The following ELMO1 variants were observed in gnomAD, a reference collection of about 807,000 sequenced individuals.
ELMO1 encodes the protein engulfment and cell motility 1, also known as engulfment and cell motility protein 1.
ELMO1 carries 26 observed loss-of-function variants against 98.9 expected under a neutral mutation model. The observed-to-expected ratio is 0.26, with a 90% CI of 0.19 to 0.36. The LOEUF (loss-of-function observed/expected upper bound fraction) is 0.36. Among genes scored for constraint, ELMO1 ranks in the 10% least tolerant of loss-of-function variants. ELMO1 has a pLI of 1.00. For missense variants in ELMO1, 627 were observed against 935.2 expected (o/e 0.67, Z 4.30); for synonymous variants, 346 against 346.0 (o/e 1.00, Z 0.00).
chr7:37,057,684 T>C (rs1264681399), intron 15 of ELMO1, among the ~76,000 whole-genome samples: 17 of 152,178 alleles, frequency 1.1e-4, no homozygotes, highest in Non-Finnish European at 1.9e-4. Flanking sequence ...CGCAGATGTG[T>C]GCATGTGCAC....
chr7:37,171,514 A>C (rs1790162332), intron 13 of ELMO1, among the ~76,000 whole-genome samples: 1 of 9,752 alleles, frequency 1.0e-4, no homozygotes, highest in Non-Finnish European at 4.8e-4. Context: ...TTTTTTTGAG[A>C]CAGAGTCTCG....
At chr7:37,162,806 T>C (rs1789319082) in intron 13 of ELMO1, among the ~76,000 whole-genome samples, 1 of 152,204 alleles carries the variant, frequency 6.6e-6, no homozygotes, top group Admixed American at 6.5e-5. Flanking sequence ...CATGCAAAGC[T>C]GGTTAATGTC....
chr7:37,101,912 AG>A (rs1784666739), intron 14 of ELMO1, among the ~76,000 whole-genome samples: 1 of 152,184 alleles, frequency 6.6e-6, no homozygotes, highest in Admixed American at 6.5e-5. Context: ...CTCAAACTAA[AG>A]CGTTCCAGCC....
At chr7:37,313,192 G>C (rs1489223432) in intron 4 of ELMO1, among the ~76,000 whole-genome samples, 1 of 151,384 alleles carries the variant, frequency 6.6e-6, no homozygotes, top group African/African-American at 2.4e-5. Context: ...AGGCATGCCA[G>C]GAAATCAAGT....
At chr7:37,066,063 G>C (rs907464404) in intron 15 of ELMO1, among the ~76,000 whole-genome samples, 1 of 152,156 alleles carries the variant, frequency 6.6e-6, no homozygotes, top group South Asian at 2.1e-4. Context: ...CTGCTGCCAC[G>C]TAAGACATGA....
chr7:37,038,947 A>G (rs922311011), intron 15 of ELMO1, among the ~76,000 whole-genome samples: 2 of 152,124 alleles, frequency 1.3e-5, no homozygotes, highest in Non-Finnish European at 2.9e-5. Flanking sequence ...ATCTAAACCT[A>G]ATTACCTCCT....
intron 16 of ELMO1, among the ~76,000 whole-genome samples, chr7:37,011,227 G>A (rs1793529572): frequency 6.6e-6 from 1 of 152,148 alleles, no homozygotes; most frequent in Non-Finnish European, 1.5e-5. Flanking sequence ...CACTCTGGGG[G>A]GCTTGCTGTC....
chr7:37,278,845 A>G (rs924943291), intron 4 of ELMO1, among the ~76,000 whole-genome samples: 1 of 152,222 alleles, frequency 6.6e-6, no homozygotes, highest in Non-Finnish European at 1.5e-5. Context: ...TCCAACCAGC[A>G]TTTAACTGAG....
intron 1 of ELMO1, among the ~76,000 whole-genome samples, chr7:37,399,550 C>T (rs1311505280): frequency 2.0e-5 from 3 of 152,182 alleles, no homozygotes; most frequent in African/African-American, 4.8e-5. Context: ...CTGTCAAGTA[C>T]ATGGAGAAGG....
chr7:36,853,465 C>T lies in ELMO1; in HGVS notation c.*2086G>A, dbSNP rs781269465. Among the ~76,000 whole-genome samples, 5 of 152,140 alleles carry T rather than the reference C, an allele frequency of 3.3e-5. No homozygotes were observed. Among genetic ancestry groups the T allele is most frequent in the Non-Finnish European group, 5.9e-5 (4 of 68,030 alleles). ...ATATGACTTTGTTTGCTGCCTTTGA[C>T]CTAACACTTACTGTTTTATCATGAT... On this transcript the variant is annotated 3_prime_UTR_variant, in exon 22 of 22. Coordinates refer to ENST00000310758, the MANE Select transcript of ELMO1 (RefSeq NM_014800.11).
chr7:37,128,971 G>A (rs553169910), intron 14 of ELMO1, among the ~76,000 whole-genome samples: 9 of 152,182 alleles, frequency 5.9e-5, no homozygotes, highest in Middle Eastern at 3.4e-3. Context: ...GGAGTCATCC[G>A]GGTAGAGGGT....
At chr7:37,248,192 A>ATG (rs1397776331) in intron 6 of ELMO1, among the ~76,000 whole-genome samples, 3 of 139,358 alleles carry the variant, frequency 2.2e-5, no homozygotes, top group Non-Finnish European at 3.0e-5. Context: ...GTGGGATTTT[A>ATG]TATGTGTGTG....
intron 15 of ELMO1, among the ~76,000 whole-genome samples, chr7:37,080,598 TA>T (rs1485264697): frequency 6.1e-5 from 8 of 131,150 alleles, no homozygotes; most frequent in African/African-American, 2.4e-4. Context: ...CCACCACGCC[TA>T]ATTTTTTTTT....
At chr7:37,123,841 G>A (rs1478349624) in intron 14 of ELMO1, among the ~76,000 whole-genome samples, 2 of 152,098 alleles carry the variant, frequency 1.3e-5, no homozygotes, top group Non-Finnish European at 2.9e-5. Context: ...CAAAAAAAGA[G>A]AATTTTAGAC....
At chr7:37,200,040 C>A (rs17170916) in intron 13 of ELMO1, among the ~76,000 whole-genome samples, 1,563 of 152,258 alleles carry the variant, frequency 0.01, 28 homozygotes, top group African/African-American at 0.036. Flanking sequence ...CCAAAGCTAA[C>A]CTTTTCTTTC....
intron 14 of ELMO1, among the ~76,000 whole-genome samples, chr7:37,121,590 G>T (rs564624001): frequency 1.6e-3 from 242 of 152,292 alleles, no homozygotes; most frequent in African/African-American, 5.4e-3. Flanking sequence ...AGAATAAAAA[G>T]AAATGAACAA....
intron 1 of ELMO1, among the ~76,000 whole-genome samples, chr7:37,434,385 T>C (rs946449866): frequency 1.6e-4 from 24 of 152,194 alleles, no homozygotes; most frequent in African/African-American, 5.8e-4. Flanking sequence ...ACCACAGAAC[T>C]AGGTACTTCA....
chr7:37,431,715 C>T (rs1804939217), intron 1 of ELMO1, among the ~76,000 whole-genome samples: 1 of 152,184 alleles, frequency 6.6e-6, no homozygotes, highest in African/African-American at 2.4e-5. Flanking sequence ...ACCAGGGTAA[C>T]TGTGCACTGG....
chr7:37,123,621 G>A (rs1488233896), intron 14 of ELMO1, among the ~76,000 whole-genome samples: 3 of 152,138 alleles, frequency 2.0e-5, no homozygotes, highest in Non-Finnish European at 4.4e-5. Context: ...CCAATAACAG[G>A]CTCTGAAATT....
Sources: gnomAD v4.1 joint callset for allele counts (sites outside exome capture counted in the v4.1 genomes callset) on GRCh38, gnomAD v4.1.1 for gene constraint, MANE v1.5 for transcripts, NCBI Gene and HGNC (gene_info 2026-07-23, HGNC 2026-07-21) for gene names.